PRPF6: variants seen among roughly 807,000 people sequenced by gnomAD.
PRPF6 encodes pre-mRNA processing factor 6, also known as pre-mRNA-processing factor 6.
In PRPF6, 42 loss-of-function variants were observed where a neutral mutation model predicts 118.3. The observed-to-expected ratio is 0.35, with a 90% CI of 0.28 to 0.46. PRPF6 has a LOEUF of 0.46. Ranked by LOEUF, PRPF6 falls within the 20% of genes least tolerant of loss-of-function variation. The pLI is 1.00. For synonymous variants in PRPF6, 481 were observed against 485.1 expected, an observed-to-expected ratio of 0.99 and a Z score of 0.11; for missense variants, 662 against 1,255.7, an observed-to-expected ratio of 0.53 and a Z score of 7.15.
intron 11 of PRPF6, 48 bp from the exon 12 acceptor site, chr20:64,016,675 C>T (rs749018432): frequency 1.9e-6 from 3 of 1,610,560 alleles, no homozygotes; most frequent in South Asian, 2.2e-5. Context: ...TGGGAATCTG[C>T]AGCTCTGATT....
At chr20:64,019,495 C>T in intron 12 of PRPF6, among the ~76,000 whole-genome samples, 1 of 152,168 alleles carries the variant, frequency 6.6e-6, no homozygotes, top group East Asian at 1.9e-4. Flanking sequence ...TTTCTGTGCC[C>T]AGAAGTGTGC....
chr20:63,993,244 GTGTGTGTGTGTGTGTGTGTA>G (rs1237502221), intron 3 of PRPF6, among the ~76,000 whole-genome samples, 143 bp from the exon 4 acceptor site: 1 of 136,890 alleles, frequency 7.3e-6, no homozygotes, highest in Non-Finnish European at 1.6e-5. Context: ...GTGTGTGTGT[GTGTGTGTGTGTGTGTGTGTA>G]TATGTATATA....
At chr20:64,007,627 C>T (rs1479964172) in intron 9 of PRPF6, among the ~76,000 whole-genome samples, 3 of 151,706 alleles carry the variant, frequency 2.0e-5, no homozygotes, top group African/African-American at 7.3e-5. Context: ...CCACCACGCC[C>T]AGCTAATTTT....
chr20:64,027,492 A>G lies in PRPF6; in HGVS notation c.2206-111A>G, dbSNP rs816931. The G allele has an allele frequency of 0.055, 81,383 of 1,490,236 alleles. 2,518 individuals carry two copies. The highest frequency in any genetic ancestry group is 0.13 in the Middle Eastern group (733 of 5,764). 92.3% of individuals were successfully genotyped at this position (1,490,236 alleles called of 1,614,324 possible). A position where few individuals can be genotyped will look rare whatever the true frequency, so the allele number is the denominator to read the frequency against. ...GTGTGAGGGGTGTTTTTCCATGGACATGGCAGCCCTGAGGGACTCGGTCAC... is the reference window on the plus strand; with the variant it reads ...GTGTGAGGGGTGTTTTTCCATGGACGTGGCAGCCCTGAGGGACTCGGTCAC... On this transcript the variant is annotated intron_variant, in intron 16 of 20. Coordinates refer to ENST00000266079, the MANE Select transcript of PRPF6 (RefSeq NM_012469.4). The surrounding 1 kb of genome is among the most constrained non-coding windows in gnomAD (Gnocchi z 6.5).
intron 19 of PRPF6, 51 bp from the exon 20 acceptor site, chr20:64,031,867 A>G: frequency 6.2e-7 from 1 of 1,613,418 alleles, no homozygotes; most frequent in African/African-American, 1.3e-5. Context: ...CTGCCCCAGA[A>G]TACCGTCCTG....
intron 19 of PRPF6, among the ~76,000 whole-genome samples, chr20:64,030,308 G>A (rs2059309196): frequency 6.6e-6 from 1 of 152,196 alleles, no homozygotes; most frequent in South Asian, 2.1e-4. Flanking sequence ...GGGCTCACCT[G>A]GCAGAGGTGG....
In PRPF6 at chr20:64,027,435, C is replaced by T. The variant is rs544328640; in HGVS notation, c.2206-168C>T. On this transcript the variant is annotated intron_variant, in intron 16 of 20. Transcript: ENST00000266079. The surrounding 1 kb of genome is among the most constrained non-coding windows in gnomAD (Gnocchi z 6.5). The stretch of plus-strand genomic sequence containing the variant: ...GACCTGTGTGCACAGGTCCACAGCA[C>T]CACCGCACACCTGTACACCCACAAA... Among the ~76,000 whole-genome samples, 3 of 152,302 alleles carry T rather than the reference C, an allele frequency of 2.0e-5. No individual in the cohort carries two copies. Among genetic ancestry groups the T allele is most frequent in the African/African-American group, 7.2e-5 (3 of 41,576 alleles).
Position 64,011,408 on chromosome 20 carries a change from A to G in PRPF6, c.1429A>G (p.Asn477Asp). The G allele has an allele frequency of 1.2e-6, 2 of 1,614,222 alleles. No individual in the cohort carries two copies. Among genetic ancestry groups the G allele is most frequent in the Non-Finnish European group, 1.7e-6 (2 of 1,180,036 alleles). Reference sequence around the variant, plus strand: ...CACGGCTGCTAAGCTGGAGGAAGCCAATGGGAACACGCAGATGGTGGAGAA... The same window carrying G: ...CACGGCTGCTAAGCTGGAGGAAGCCGATGGGAACACGCAGATGGTGGAGAA... ...WITAAKLEEA[N>D]GNTQMVEKII... Residue 477 changes from asparagine to aspartate, a missense_variant, in exon 11 of 21, where the codon AAT (asparagine) becomes GAT (aspartate). Around this residue, in one of 10 missense-constraint regions of PRPF6, gnomAD observed 189 missense variants for 323.5 expected, o/e 0.58. Coordinates refer to ENST00000266079, the MANE Select transcript of PRPF6 (RefSeq NM_012469.4). The surrounding 1 kb of genome is among the most constrained non-coding windows in gnomAD (Gnocchi z 6.7).
intron 12 of PRPF6, 50 bp downstream of exon 12, chr20:64,016,895 G>A: frequency 6.2e-7 from 1 of 1,612,032 alleles, no homozygotes; most frequent in Non-Finnish European, 8.5e-7. Flanking sequence ...CTCTGCTTGT[G>A]GGAACAGCAG....
At position 64,027,484 on chromosome 20, in the gene PRPF6, C is replaced by T. The variant is rs1378465244; in HGVS notation, c.2206-119C>T. On this transcript the variant is annotated intron_variant, in intron 16 of 20. Transcript: ENST00000266079. This position sits in a 1 kb window ranked among gnomAD's most constrained non-coding sequence, Gnocchi z 6.5. ...AATGCAGAGTGTGAGGGGTGTTTTTCCATGGACATGGCAGCCCTGAGGGAC... is the reference window on the plus strand; with the variant it reads ...AATGCAGAGTGTGAGGGGTGTTTTTTCATGGACATGGCAGCCCTGAGGGAC... 28 of 1,451,122 alleles carry T rather than the reference C, an allele frequency of 1.9e-5. No individual in the cohort carries two copies. Among genetic ancestry groups the T allele is most frequent in the Non-Finnish European group, 2.2e-5 (23 of 1,035,042 alleles). The allele number at this position is 1,451,122 out of a possible 1,614,324, so 89.9% of individuals were successfully genotyped here. A position where few individuals can be genotyped will look rare whatever the true frequency, so the allele number is the denominator to read the frequency against.
Position 63,984,903 on chromosome 20 carries a change from T to C in PRPF6, c.241-4T>C. ...GACCTCTACACGTGTTGTTTGCTTC[T>C]CAGTTTAATGGCTATGCTGGGAGCC... On this transcript the variant is annotated splice_region_variant and splice_polypyrimidine_tract_variant and intron_variant, in intron 2 of 20. Coordinates refer to ENST00000266079, the MANE Select transcript of PRPF6 (RefSeq NM_012469.4). 6.2e-7 allele frequency: 1 copy of C among 1,608,874 alleles called. No individual in the cohort carries two copies. The highest frequency in any genetic ancestry group is 2.2e-5 in the East Asian group (1 of 44,846).
At position 64,028,712 on chromosome 20, in the gene PRPF6, C is replaced by T. The variant is rs2059302465; in HGVS notation, c.2431+143C>T. On this transcript the variant is annotated intron_variant, in intron 18 of 20. Transcript: ENST00000266079. This position sits in a 1 kb window ranked among gnomAD's most constrained non-coding sequence, Gnocchi z 6.5. ...AGGGAGTGGGGGCTCAGGCTTCAGA[C>T]GGACTTTATTAAAATGTGTAGTTTG... 19 of 837,528 alleles carry T rather than the reference C, an allele frequency of 2.3e-5. No homozygotes were observed. Among genetic ancestry groups the T allele is most frequent in the East Asian group, 5.4e-5 (2 of 37,204 alleles). The allele number at this position is 837,528 out of a possible 1,614,324, so 51.9% of individuals were successfully genotyped here.
intron 12 of PRPF6, among the ~76,000 whole-genome samples, chr20:64,022,064 T>C (rs543820167): frequency 6.6e-6 from 1 of 152,356 alleles, no homozygotes; most frequent in African/African-American, 2.4e-5. Context: ...TGTGCATGTG[T>C]GTGCACACCT....
chr20:64,026,114 G>GC lies in PRPF6; in HGVS notation c.2028+60dup, dbSNP rs2059289206. On this transcript the variant is annotated intron_variant, in intron 15 of 20. Coordinates refer to ENST00000266079, the MANE Select transcript of PRPF6 (RefSeq NM_012469.4). This position sits in a 1 kb window ranked among gnomAD's most constrained non-coding sequence, Gnocchi z 4.4. ...TGGGGTGCATGGTGTGCACATGCGG[G>GC]CCCCACGCCTGGCTTGGGTGGTGAT... 1 of 1,594,956 alleles carries GC rather than the reference G, an allele frequency of 6.3e-7. No individual in the cohort carries two copies. The highest frequency in any genetic ancestry group is 1.3e-5 in the African/African-American group (1 of 74,954).
rs2059135392 is a variant in PRPF6 at position 63,995,076 on chromosome 20, T to C, written c.599T>C (p.Val200Ala). 6.2e-7 allele frequency: 1 copy of C among 1,614,188 alleles called. No individual in the cohort carries two copies. Residue 200 changes from valine to alanine, a missense_variant, in exon 5 of 21, where the codon GTG becomes GCG. This residue lies in a region of PRPF6 where 97 missense variants were observed against 122.6 expected (regional missense o/e 0.79). Transcript: ENST00000266079. Reference protein sequence around the residue: ...HLQTGENHTSVDPRQTQFGGL... With the variant: ...HLQTGENHTSADPRQTQFGGL... ...CAGACCGGAGAGAACCATACCTCAG[T>C]GGATCCCCGACAAACTGTGAGCTTC...
At position 64,031,551 on chromosome 20, in the gene PRPF6, T is replaced by A. The variant is rs555967612; in HGVS notation, c.2547-367T>A. Among the ~76,000 whole-genome samples, 9 of 151,690 alleles carry A rather than the reference T, an allele frequency of 5.9e-5. No individual in the cohort carries two copies. In the East Asian group the frequency reaches 1.8e-3, roughly 30 times the overall value. ...AGCCGGGTGTGGTGGCGCATGCCTGTAATCCCAGCTACTCAGGAGGCTGAG... is the reference window on the plus strand; with the variant it reads ...AGCCGGGTGTGGTGGCGCATGCCTGAAATCCCAGCTACTCAGGAGGCTGAG... On this transcript the variant is annotated intron_variant, in intron 19 of 20. Transcript: ENST00000266079.
chr20:63,984,672 C>T (rs2122972883), intron 2 of PRPF6, among the ~76,000 whole-genome samples: 1 of 152,278 alleles, frequency 6.6e-6, no homozygotes, highest in African/African-American at 2.4e-5. Flanking sequence ...CCAGGATCCC[C>T]CATTGCATTT....
chr20:63,999,797 C>G (rs541150508), intron 8 of PRPF6, 38 bp downstream of exon 8: 4 of 1,610,588 alleles, frequency 2.5e-6, no homozygotes, highest in African/African-American at 1.3e-5. Context: ...TGGGAGGCTG[C>G]GTGATTGTGG....
At chr20:63,988,934 T>C (rs1180655485) in intron 3 of PRPF6, among the ~76,000 whole-genome samples, 1 of 150,004 alleles carries the variant, frequency 6.7e-6, no homozygotes, top group Non-Finnish European at 1.5e-5. Flanking sequence ...AGACCCAGAA[T>C]AGGCAAAGCT....
Sources: gnomAD v4.1 joint callset for allele counts (sites outside exome capture counted in the v4.1 genomes callset) on GRCh38, gnomAD v4.1.1 for gene constraint, gnomAD v4.1.1 regional missense constraint, Gnocchi (gnomAD v3.1) non-coding constraint, MANE v1.5 for transcripts, NCBI Gene and HGNC (gene_info 2026-07-23, HGNC 2026-07-21) for gene names.